The following SCN11A variants were observed in gnomAD, a reference collection of about 807,000 sequenced individuals.
The protein encoded by SCN11A is sodium channel protein type 11 subunit alpha.
Under a neutral mutation model 162.2 loss-of-function variants are expected in SCN11A, and 122 were observed. The observed-to-expected ratio is 0.75, with a 90% CI of 0.65 to 0.87. The LOEUF (loss-of-function observed/expected upper bound fraction) is 0.87. Among genes scored for constraint, SCN11A ranks in the 40% least tolerant of loss-of-function variants. The pLI is 0.00. For synonymous variants in SCN11A, 758 were observed against 751.5 expected, an observed-to-expected ratio of 1.01 and a Z score of -0.14; for missense variants, 2,015 against 2,181.6, an observed-to-expected ratio of 0.92 and a Z score of 1.52.
At chr3:38,932,842 C>T (rs1187976278) in intron 7 of SCN11A, among the ~76,000 whole-genome samples, 1 of 152,204 alleles carries the variant, frequency 6.6e-6, no homozygotes, top group African/African-American at 2.4e-5. Context: ...ACTTAGATGT[C>T]CCTGTCTGAC....
At chr3:39,001,724 A>G (rs2125598654) in intron 2 of SCN11A, among the ~76,000 whole-genome samples, 1 of 152,220 alleles carries the variant, frequency 6.6e-6, no homozygotes, top group East Asian at 1.9e-4. Flanking sequence ...CAAACAAACA[A>G]ACAAACAAAC....
chr3:38,914,928 C>T (rs2065938333), intron 11 of SCN11A, among the ~76,000 whole-genome samples: 1 of 151,862 alleles, frequency 6.6e-6, no homozygotes, highest in African/African-American at 2.4e-5. Context: ...AGGATATTGA[C>T]CTAAAGTTTT....
Position 38,894,707 on chromosome 3 carries a change from C to T in SCN11A, c.2661G>A (p.Met887Ile), listed in dbSNP as rs570749658. Residue 887 changes from methionine (M) to isoleucine (I), a missense_variant, in exon 19 of 30, where the codon ATG (methionine) becomes ATA (isoleucine). Met to Ile is a conservative substitution (Grantham distance 10). Transcript: ENST00000302328. ...CCTCCTGGGTCTCTGAGCCCCTTTT[C>T]ATCTCCATGACCAGGGGAATGATGT... is the stretch of plus-strand genomic sequence containing the variant. ...SKDIIPLVME[M>I]KRGSETQEEL... is the part of the protein sequence containing the mutation. 5.1e-5 allele frequency: 83 copies of T among 1,614,084 alleles called. No individual in the cohort carries two copies. Among genetic ancestry groups the T allele is most frequent in the Non-Finnish European group, 6.8e-5 (80 of 1,180,032 alleles).
At chr3:39,049,057 T>C (rs960258214) in intron 1 of SCN11A, among the ~76,000 whole-genome samples, 2 of 152,226 alleles carry the variant, frequency 1.3e-5, no homozygotes, top group Non-Finnish European at 1.5e-5. Flanking sequence ...TACAGATTTG[T>C]AAGTAAAGTA....
At chr3:38,965,538 C>A (rs148882464) in intron 2 of SCN11A, among the ~76,000 whole-genome samples, 4 of 152,248 alleles carry the variant, frequency 2.6e-5, no homozygotes, top group African/African-American at 9.6e-5. Flanking sequence ...CTATCCTGAC[C>A]ACCCCTGTTC....
chr3:38,887,040 C>A (rs1030024176), intron 19 of SCN11A, among the ~76,000 whole-genome samples: 1 of 152,170 alleles, frequency 6.6e-6, no homozygotes, highest in East Asian at 1.9e-4. Flanking sequence ...GCCTCCACTG[C>A]CTTTCCTTTC....
chr3:39,026,627 T>A (rs75343488), intron 2 of SCN11A, among the ~76,000 whole-genome samples: 5,375 of 152,176 alleles, frequency 0.035, 307 homozygotes, highest in African/African-American at 0.12. Context: ...TAGAATGGGC[T>A]CCCTTCTGAA....
At chr3:38,874,968 G>A (rs1350207555) in intron 23 of SCN11A, among the ~76,000 whole-genome samples, 4 of 152,108 alleles carry the variant, frequency 2.6e-5, no homozygotes, top group Admixed American at 6.6e-5. Flanking sequence ...ATATAATCTT[G>A]ATTGACAATA....
At chr3:38,881,864 A>G (rs1313303141) in intron 22 of SCN11A, among the ~76,000 whole-genome samples, 1 of 152,092 alleles carries the variant, frequency 6.6e-6, no homozygotes, top group Non-Finnish European at 1.5e-5. Flanking sequence ...TAAGAACTGG[A>G]GTTGTGTGCC....
intron 3 of SCN11A, among the ~76,000 whole-genome samples, chr3:38,954,651 CAAAA>C (rs57304690): frequency 1.3e-5 from 2 of 151,274 alleles, no homozygotes; most frequent in African/African-American, 4.9e-5. Context: ...AACAAACAAA[CAAAA>C]AAACAAAAAA....
chr3:38,964,723 G>A (rs1293926888), intron 2 of SCN11A, among the ~76,000 whole-genome samples: 1 of 152,204 alleles, frequency 6.6e-6, no homozygotes, highest in African/African-American at 2.4e-5. Flanking sequence ...GTGGTTTCAT[G>A]GAGATGTGGT....
intron 28 of SCN11A, among the ~76,000 whole-genome samples, chr3:38,853,675 G>A (rs1412632981): frequency 6.6e-6 from 1 of 152,102 alleles, no homozygotes; most frequent in East Asian, 1.9e-4. Flanking sequence ...GCAGTAAGTA[G>A]ACTGCATTCA....
chr3:38,863,236 A>G lies in SCN11A; in HGVS notation c.4015T>C (p.Leu1339=). Residue 1339 remains leucine (L), a synonymous_variant, in exon 28 of 30, where the codon TTA becomes CTA. Transcript: ENST00000302328. ...GGTTTTTGAGGTTTTTTGGATCCTA[A>G]TTTTTTCATTGCATTATAGTATTTC... is the stretch of plus-strand genomic sequence containing the variant. ...QKKYYNAMKK[L]GSKKPQKPIP... 6.2e-7 allele frequency: 1 copy of G among 1,608,578 alleles called. No individual in the cohort carries two copies.
rs774895065 is a variant in SCN11A, at chr3:38,903,962, GC to G, written c.1744del (p.Ala582ProfsTer28). The G allele has an allele frequency of 6.2e-7, 1 of 1,614,072 alleles. No individual in the cohort carries two copies. The highest frequency in any genetic ancestry group is 2.2e-5 in the East Asian group (1 of 44,866). ...GTTGATGATGATGCAGATGGTGATG[GC>G]CAGCTCAGTAAACGGGTCAGTCATC... ...TVMTDPFTEL[A>X]ITICIIINTV... On this transcript the variant is annotated frameshift_variant, in exon 16 of 30. Transcript: ENST00000302328. LOFTEE classifies it high-confidence loss of function.
intron 17 of SCN11A, 121 bp from the exon 18 acceptor site, chr3:38,897,346 G>T: frequency 1.1e-6 from 1 of 945,590 alleles, no homozygotes; most frequent in Non-Finnish European, 1.6e-6. Flanking sequence ...TCTCTTCAAA[G>T]TTAAATCTAT....
chr3:38,890,475 A>G (rs567559631), intron 19 of SCN11A, among the ~76,000 whole-genome samples: 9 of 152,372 alleles, frequency 5.9e-5, no homozygotes, highest in African/African-American at 1.7e-4. Flanking sequence ...CAAGAAACTA[A>G]AACATAGGTC....
At chr3:39,046,612 T>C (rs188238408) in intron 1 of SCN11A, among the ~76,000 whole-genome samples, 221 of 152,206 alleles carry the variant, frequency 1.5e-3, no homozygotes, top group African/African-American at 5.0e-3. Context: ...CCTCAAAATA[T>C]ACCATACAAA....
chr3:38,983,958 C>T (rs999922458), intron 2 of SCN11A, among the ~76,000 whole-genome samples: 1 of 152,168 alleles, frequency 6.6e-6, no homozygotes, highest in Non-Finnish European at 1.5e-5. Context: ...ATAATGATCA[C>T]CTCATTGATT....
chr3:39,030,501 G>A (rs1223519094), intron 2 of SCN11A, among the ~76,000 whole-genome samples: 2 of 152,192 alleles, frequency 1.3e-5, no homozygotes, highest in African/African-American at 4.8e-5. Flanking sequence ...TGGGATACAT[G>A]AGTGACTTTA....
Sources: allele counts gnomAD v4.1 joint callset (sites outside exome capture counted in the v4.1 genomes callset), GRCh38; gene constraint gnomAD v4.1.1; transcripts MANE v1.5; gene names NCBI Gene and HGNC (gene_info 2026-07-23, HGNC 2026-07-21).